TMOD2: variants seen among roughly 807,000 people sequenced by gnomAD.
TMOD2 encodes tropomodulin 2.
A neutral mutation model predicts 39.9 loss-of-function variants in TMOD2; 22 were observed. That is an observed-to-expected ratio of 0.55 (90% confidence interval 0.39 to 0.79). The LOEUF is 0.79. Ranked by LOEUF, TMOD2 falls within the 30% of genes least tolerant of loss-of-function variation. The pLI is 0.00. For synonymous variants in TMOD2, 123 were observed against 146.1 expected (o/e 0.84, Z 1.14); for missense variants, 386 against 413.3 (o/e 0.93, Z 0.57).
chr15:51,787,715 CAG>C (rs1177763054), intron 7 of TMOD2, among the ~76,000 whole-genome samples: 1 of 152,342 alleles, frequency 6.6e-6, no homozygotes, highest in East Asian at 1.9e-4. Flanking sequence ...CCCAGGAAAA[CAG>C]GGTCTGGAGT....
chr15:51,789,726 C>G (rs532134935), intron 7 of TMOD2, among the ~76,000 whole-genome samples: 82 of 152,288 alleles, frequency 5.4e-4, no homozygotes, highest in African/African-American at 1.9e-3. Flanking sequence ...TGCACAACTA[C>G]GTGGAAACTG....
chr15:51,788,651 T>A (rs889923365), intron 7 of TMOD2, among the ~76,000 whole-genome samples: 1 of 152,076 alleles, frequency 6.6e-6, no homozygotes, highest in African/African-American at 2.4e-5. Context: ...CAAAGGGAAG[T>A]CCATCAGACT....
At position 51,781,173 on chromosome 15, in the gene TMOD2, A is replaced by G; in HGVS notation, c.623A>G (p.Lys208Arg). ...CAAGAAGTCAACCTCAACAACATTA[A>G]GGTATTTCATTGTGATTATCATCAG... ...SLQEVNLNNI[K>R]NIPIPTLREF... Residue 208 changes from lysine to arginine, a missense_variant and splice_region_variant, in exon 6 of 10, where the codon AAG becomes AGG. Transcript: ENST00000249700. 5.6e-6 allele frequency: 9 copies of G among 1,600,064 alleles called. No homozygotes were observed. The highest frequency in any genetic ancestry group is 7.7e-6 in the Non-Finnish European group (9 of 1,176,344).
chr15:51,801,681 A>G (rs998029231), intron 8 of TMOD2, among the ~76,000 whole-genome samples: 6 of 152,244 alleles, frequency 3.9e-5, no homozygotes, highest in Admixed American at 3.3e-4. Context: ...TGCATATTAA[A>G]GAAACAGATG....
chr15:51,806,364 C>T lies in TMOD2; in HGVS notation c.877-13C>T, dbSNP rs2056121335. On this transcript the variant is annotated splice_polypyrimidine_tract_variant and intron_variant, in intron 8 of 9. Coordinates refer to ENST00000249700, the MANE Select transcript of TMOD2 (RefSeq NM_014548.4). Reference sequence around the variant, plus strand: ...CTTGGTCATCCTGTGCATGTGTCTGCACCTGCAACCAGAGGCAGCAGTTGG... The same window carrying T: ...CTTGGTCATCCTGTGCATGTGTCTGTACCTGCAACCAGAGGCAGCAGTTGG... The T allele has an allele frequency of 6.2e-7, 1 of 1,613,984 alleles. No individual in the cohort carries two copies. The highest frequency in any genetic ancestry group is 8.5e-7 in the Non-Finnish European group (1 of 1,179,882).
At chr15:51,793,088 A>G (rs768862007) in intron 7 of TMOD2, among the ~76,000 whole-genome samples, 2 of 151,764 alleles carry the variant, frequency 1.3e-5, no homozygotes, top group Non-Finnish European at 2.9e-5. Context: ...AGCCACATTA[A>G]AAAAAATACA....
At chr15:51,773,560 G>T in intron 3 of TMOD2, 152 bp from the exon 4 acceptor site, 1 of 622,596 alleles carries the variant, frequency 1.6e-6, no homozygotes, top group Non-Finnish European at 2.6e-6. Context: ...ATTGATGTTG[G>T]TACCATCCTG....
intron 1 of TMOD2, among the ~76,000 whole-genome samples, chr15:51,765,443 G>T (rs72730969): frequency 1.2e-3 from 176 of 152,320 alleles, no homozygotes; most frequent in Non-Finnish European, 1.9e-3. Context: ...CTGTTTGCTA[G>T]AACTATGCCT....
At chr15:51,777,337 G>T (rs1355146159) in intron 5 of TMOD2, among the ~76,000 whole-genome samples, 1 of 152,200 alleles carries the variant, frequency 6.6e-6, no homozygotes, top group African/African-American at 2.4e-5. Context: ...ATATAAGACT[G>T]CTTGGTCATC....
At chr15:51,765,237 G>A (rs1025388756) in intron 1 of TMOD2, among the ~76,000 whole-genome samples, 2 of 152,174 alleles carry the variant, frequency 1.3e-5, no homozygotes, top group African/African-American at 2.4e-5. Flanking sequence ...CTGACCTCAG[G>A]TGATCCACCT....
At chr15:51,789,521 C>T (rs1182423011) in intron 7 of TMOD2, among the ~76,000 whole-genome samples, 2 of 152,208 alleles carry the variant, frequency 1.3e-5, no homozygotes, top group Non-Finnish European at 2.9e-5. Context: ...TAATAGACAT[C>T]TGCAGAACTC....
chr15:51,768,615 G>A (rs1365792833), intron 3 of TMOD2, among the ~76,000 whole-genome samples, 197 bp downstream of exon 3: 1 of 152,182 alleles, frequency 6.6e-6, no homozygotes, highest in Non-Finnish European at 1.5e-5. Flanking sequence ...GGTCAAGCAA[G>A]GGAACTGTCC....
At chr15:51,792,327 C>T (rs896444552) in intron 7 of TMOD2, among the ~76,000 whole-genome samples, 1 of 152,156 alleles carries the variant, frequency 6.6e-6, no homozygotes, top group East Asian at 1.9e-4. Context: ...CATCTCATGC[C>T]GGTTAGAATG....
intron 1 of TMOD2, among the ~76,000 whole-genome samples, chr15:51,761,049 G>T (rs181578435): frequency 1.1e-3 from 167 of 152,268 alleles, no homozygotes; most frequent in African/African-American, 3.6e-3. Flanking sequence ...AGATTGTCTG[G>T]ATTTCATTCT....
Position 51,768,404 on chromosome 15 carries a change from C to A in TMOD2, c.269C>A (p.Thr90Asn). The A allele has an allele frequency of 6.2e-7, 1 of 1,613,522 alleles. No homozygotes were observed. The highest frequency in any genetic ancestry group is 8.5e-7 in the Non-Finnish European group (1 of 1,179,924). Residue 90 changes from threonine to asparagine, a missense_variant, in exon 3 of 10, where the codon ACT becomes AAT. Physicochemically the swap from Thr to Asn is moderately conservative, Grantham distance 65. Coordinates refer to ENST00000249700, the MANE Select transcript of TMOD2 (RefSeq NM_014548.4). ...QKDREDFVPF[T>N]GEKKGRVFIP... is the part of the protein sequence containing the mutation. ...GACAGAGAGGACTTTGTGCCCTTCA[C>A]TGGAGAAAAGAAAGGTAAGGACCAC...
intron 4 of TMOD2, among the ~76,000 whole-genome samples, chr15:51,775,664 A>G (rs1185852591): frequency 1.6e-5 from 2 of 124,090 alleles, no homozygotes; most frequent in East Asian, 2.5e-4. Context: ...TGCAACCTCC[A>G]CCTCCGGAGT....
At chr15:51,801,255 A>T (rs976721584) in intron 8 of TMOD2, among the ~76,000 whole-genome samples, 230 of 138,984 alleles carry the variant, frequency 1.7e-3, no homozygotes, top group African/African-American at 6.0e-3. Context: ...ACACACACAC[A>T]CACACACACA....
intron 1 of TMOD2, among the ~76,000 whole-genome samples, chr15:51,753,874 T>C (rs2055724448): frequency 6.6e-6 from 1 of 152,218 alleles, no homozygotes; most frequent in Non-Finnish European, 1.5e-5. Flanking sequence ...ACTATTCTTT[T>C]AACTTTTCTA....
At chr15:51,782,953 A>C in intron 7 of TMOD2, 125 bp downstream of exon 7, 1 of 750,152 alleles carries the variant, frequency 1.3e-6, no homozygotes, top group Non-Finnish European at 2.2e-6. Context: ...GTTAGTGAGC[A>C]AAATTATAGT....
Sources: allele counts gnomAD v4.1 joint callset (sites outside exome capture counted in the v4.1 genomes callset), GRCh38; gene constraint gnomAD v4.1.1; transcripts MANE v1.5; gene names NCBI Gene and HGNC (gene_info 2026-07-23, HGNC 2026-07-21).